The following GPATCH11 variants were observed in gnomAD, a reference collection of about 807,000 sequenced individuals.
The protein encoded by GPATCH11 is G-patch domain containing 11, also known as G patch domain-containing protein 11.
A neutral mutation model predicts 44.8 loss-of-function variants in GPATCH11; 32 were observed. The observed-to-expected ratio is 0.71, with a 90% CI of 0.54 to 0.96. GPATCH11 has a LOEUF of 0.96. Ranked by LOEUF, GPATCH11 falls within the 40% of genes least tolerant of loss-of-function variation. GPATCH11 has a pLI of 0.00. For synonymous variants in GPATCH11, 84 were observed against 94.4 expected, an observed-to-expected ratio of 0.89 and a Z score of 0.64; for missense variants, 324 against 303.1, an observed-to-expected ratio of 1.07 and a Z score of -0.51.
rs553133202 is a variant in GPATCH11 at position 37,097,879 on chromosome 2, A to G, written c.*1616A>G. ...TGCCCTTGATTCTAAAATGCAGCCT[A>G]CCTTGAGCCACTAATCTAGTTAACT... On this transcript the variant is annotated 3_prime_UTR_variant, in exon 9 of 9. Coordinates refer to ENST00000674370, the MANE Select transcript of GPATCH11 (RefSeq NM_174931.4). The G allele has an allele frequency of 6.6e-6, 1 of 152,314 alleles. No homozygotes were observed. Among genetic ancestry groups the G allele is most frequent in the East Asian group, 1.9e-4 (1 of 5,184 alleles). The allele number at this position is 152,314 out of a possible 1,614,324, so 9.4% of individuals were successfully genotyped here. A position where few individuals can be genotyped will look rare whatever the true frequency, so the allele number is the denominator to read the frequency against.
chr2:37,089,916 C>A, intron 3 of GPATCH11, 50 bp downstream of exon 3: 2 of 1,291,690 alleles, frequency 1.5e-6, no homozygotes, highest in Non-Finnish European at 2.2e-6. Flanking sequence ...CTAATTGTGA[C>A]TTATGGATAA....
intron 2 of GPATCH11, among the ~76,000 whole-genome samples, chr2:37,088,653 A>G (rs903872834): frequency 6.6e-6 from 1 of 152,142 alleles, no homozygotes; most frequent in African/African-American, 2.4e-5. Context: ...AGTAGTTGGG[A>G]CTGCAGGCCT....
chr2:37,096,086 T>G (rs939603330), intron 8 of GPATCH11, 122 bp from the exon 9 acceptor site: 41 of 650,270 alleles, frequency 6.3e-5, no homozygotes, highest in Non-Finnish European at 9.6e-5. Flanking sequence ...TGTTTTTATC[T>G]TTTCTGGTTT....
At chr2:37,094,255 A>AATGTT in intron 7 of GPATCH11, 60 bp downstream of exon 7, 1 of 1,015,506 alleles carries the variant, frequency 9.8e-7, no homozygotes, top group Non-Finnish European at 1.5e-6. Context: ...TAGCACTTTG[A>AATGTT]GTTGTGGTAA....
At chr2:37,089,108 C>T (rs1402897944) in intron 2 of GPATCH11, among the ~76,000 whole-genome samples, 2 of 152,196 alleles carry the variant, frequency 1.3e-5, no homozygotes, top group African/African-American at 4.8e-5. Context: ...TCTTCAACTT[C>T]GTGCTTTCCT....
intron 6 of GPATCH11, among the ~76,000 whole-genome samples, chr2:37,092,491 A>T (rs924858604): frequency 1.3e-4 from 11 of 82,812 alleles, no homozygotes; most frequent in African/African-American, 3.1e-4. Context: ...TATATATATT[A>T]TATATATATA....
chr2:37,088,477 T>A (rs1673153340), intron 2 of GPATCH11, 37 bp downstream of exon 2: 2 of 938,992 alleles, frequency 2.1e-6, no homozygotes, highest in Non-Finnish European at 3.3e-6. Context: ...ATGATATGTA[T>A]AAGATGTGTA....
intron 4 of GPATCH11, 91 bp from the exon 5 acceptor site, chr2:37,091,825 G>A (rs1229180523): frequency 8.2e-7 from 1 of 1,215,310 alleles, no homozygotes; most frequent in African/African-American, 1.5e-5. Flanking sequence ...GTACTCAAAT[G>A]AGAATTGCAT....
Position 37,096,413 on chromosome 2 carries a change from T to C in GPATCH11, c.*150T>C, listed in dbSNP as rs541233778. ...TTCTTTTTGTACTTTAGAATATGAA[T>C]GTTCATTGACTTGAAAAAAATAATG... On this transcript the variant is annotated 3_prime_UTR_variant, in exon 9 of 9. Transcript: ENST00000674370. 1.8e-5 allele frequency: 11 copies of C among 615,636 alleles called. No individual in the cohort carries two copies. The highest frequency in any genetic ancestry group is 3.0e-5 in the East Asian group (1 of 33,070). The allele number at this position is 615,636 out of a possible 1,614,324, so 38.1% of individuals were successfully genotyped here. A position where few individuals can be genotyped will look rare whatever the true frequency, so the allele number is the denominator to read the frequency against.
At chr2:37,094,648 A>G (rs1423239005) in intron 7 of GPATCH11, among the ~76,000 whole-genome samples, 1 of 152,222 alleles carries the variant, frequency 6.6e-6, no homozygotes, top group African/African-American at 2.4e-5. Context: ...AACACAATCA[A>G]AAGAAAATGG....
chr2:37,091,395 C>G (rs1014324237), intron 4 of GPATCH11, among the ~76,000 whole-genome samples: 8 of 150,770 alleles, frequency 5.3e-5, no homozygotes, highest in Admixed American at 2.0e-4. Flanking sequence ...CTCATCTCTG[C>G]AAAAAATTTA....
chr2:37,096,172 TG>T, intron 8 of GPATCH11, 35 bp from the exon 9 acceptor site: 1 of 1,286,250 alleles, frequency 7.8e-7, no homozygotes, highest in Non-Finnish European at 1.1e-6. Context: ...CTGTAGAAGT[TG>T]TATTAATCTT....
rs1261790416 is a variant in GPATCH11, at chr2:37,092,034, T to A, written c.447T>A (p.Phe149Leu). 8 of 1,612,428 alleles carry A rather than the reference T, an allele frequency of 5.0e-6. No homozygotes were observed. In the East Asian group the frequency reaches 8.9e-5, roughly 18 times the overall value. Reference sequence around the variant, plus strand: ...CTGAAGAAAAAGCTGCAGAACAGTTTCGGTAAAACTATTTTTGAGCTGGTT... The same window carrying A: ...CTGAAGAAAAAGCTGCAGAACAGTTACGGTAAAACTATTTTTGAGCTGGTT... Reference protein sequence around the residue: ...NQAEEKAAEQFRMRLKNKQDE... With the variant: ...NQAEEKAAEQLRMRLKNKQDE... Residue 149 changes from phenylalanine to leucine, a missense_variant and splice_region_variant, in exon 5 of 9, where the codon TTT becomes TTA. Coordinates refer to ENST00000674370, the MANE Select transcript of GPATCH11 (RefSeq NM_174931.4).
intron 1 of GPATCH11, among the ~76,000 whole-genome samples, chr2:37,087,681 T>A (rs1673114672): frequency 1.3e-5 from 2 of 152,098 alleles, no homozygotes; most frequent in Non-Finnish European, 2.9e-5. Context: ...CCTGGAGTGG[T>A]CAGGAGAGGT....
At chr2:37,095,369 G>C in intron 7 of GPATCH11, 68 bp from the exon 8 acceptor site, 1 of 1,519,910 alleles carries the variant, frequency 6.6e-7, no homozygotes, top group Non-Finnish European at 8.8e-7. Context: ...AATTCGGCAC[G>C]ATCTAAGAGC....
At chr2:37,095,330 G>T in intron 7 of GPATCH11, 107 bp from the exon 8 acceptor site, 1 of 1,321,534 alleles carries the variant, frequency 7.6e-7, no homozygotes. Context: ...CTATTCCAGA[G>T]TATAGCAGAA....
At chr2:37,094,024 A>G (rs1304910407) in intron 6 of GPATCH11, 58 bp from the exon 7 acceptor site, 6 of 996,756 alleles carry the variant, frequency 6.0e-6, no homozygotes, top group Non-Finnish European at 6.3e-6. Flanking sequence ...TGACATGAAC[A>G]TATTTGTCAT....
chr2:37,089,656 G>T lies in GPATCH11; in HGVS notation c.76G>T (p.Gly26Ter), dbSNP rs905780805. ...FINVQEDIRPGLPMLRQIREA... is the reference protein window; with the variant it reads ...FINVQEDIRP ...CTTATTCAGAGAAGATATCAGACCA[G>T]GATTGCCAATGCTAAGGCAAATCCG... The change falls in exon 3 of 9, where the codon GGA becomes TGA. Residue 26 changes from glycine to a stop codon, truncating the protein, a stop_gained. Transcript: ENST00000674370. LOFTEE classifies it high-confidence loss of function. 1 of 1,551,008 alleles carries T rather than the reference G, an allele frequency of 6.4e-7. No individual in the cohort carries two copies. Among genetic ancestry groups the T allele is most frequent in the Non-Finnish European group, 8.7e-7 (1 of 1,146,792 alleles).
Position 37,089,628 on chromosome 2 carries a change from T to C in GPATCH11, c.60-12T>C, listed in dbSNP as rs1411864047. The C allele has an allele frequency of 1.3e-6, 2 of 1,526,578 alleles. No homozygotes were observed. The highest frequency in any genetic ancestry group is 2.8e-5 in the African/African-American group (2 of 71,720). The allele number at this position is 1,526,578 out of a possible 1,614,324, so 94.6% of individuals were successfully genotyped here. ...TATGGACTCATCTAAAATAAACTTT[T>C]CCCTTATTCAGAGAAGATATCAGAC... On this transcript the variant is annotated splice_polypyrimidine_tract_variant and intron_variant, in intron 2 of 8. Coordinates refer to ENST00000674370, the MANE Select transcript of GPATCH11 (RefSeq NM_174931.4).
Sources: allele counts gnomAD v4.1 joint callset (sites outside exome capture counted in the v4.1 genomes callset), GRCh38; gene constraint gnomAD v4.1.1; transcripts MANE v1.5; gene names NCBI Gene and HGNC (gene_info 2026-07-23, HGNC 2026-07-21).